GNAT3: variants seen among roughly 807,000 people sequenced by gnomAD.
The protein encoded by GNAT3 is G protein subunit alpha transducin 3, also known as guanine nucleotide-binding protein G(t) subunit alpha-3.
Under a neutral mutation model 37.7 loss-of-function variants are expected in GNAT3, and 31 were observed. The ratio of observed to expected loss-of-function variants is 0.82; its 90% confidence interval spans 0.62 to 1.11. The LOEUF is 1.11. Ranked by LOEUF, GNAT3 falls within the 50% of genes most tolerant of loss-of-function variation. The pLI is 0.00. For missense variants in GNAT3, 437 were observed against 412.5 expected (o/e 1.06, Z -0.51); for synonymous variants, 138 against 139.8 (o/e 0.99, Z 0.09).
At chr7:80,503,224 A>G (rs1481798342) in intron 1 of GNAT3, among the ~76,000 whole-genome samples, 2 of 152,200 alleles carry the variant, frequency 1.3e-5, no homozygotes, top group East Asian at 1.9e-4. Flanking sequence ...GCCACCATGA[A>G]CAAATCACAA....
chr7:80,467,746 A>G (rs1790149256), intron 5 of GNAT3, among the ~76,000 whole-genome samples: 1 of 152,108 alleles, frequency 6.6e-6, no homozygotes, highest in African/African-American at 2.4e-5. Context: ...CAAAATTAAA[A>G]TCAGAGAAAA....
intron 5 of GNAT3, among the ~76,000 whole-genome samples, chr7:80,463,607 T>G (rs1034583460): frequency 2.6e-5 from 4 of 152,016 alleles, no homozygotes; most frequent in Non-Finnish European, 5.9e-5. Flanking sequence ...AGCATCACTT[T>G]CTTTCCTTTA....
intron 1 of GNAT3, among the ~76,000 whole-genome samples, chr7:80,504,849 G>C (rs943994857): frequency 1.2e-4 from 18 of 152,150 alleles, no homozygotes; most frequent in Non-Finnish European, 1.9e-4. Flanking sequence ...GGTGAGGTTG[G>C]GGGGAGATTC....
intron 1 of GNAT3, among the ~76,000 whole-genome samples, chr7:80,505,608 T>C (rs951199903): frequency 7.9e-5 from 12 of 152,264 alleles, no homozygotes; most frequent in South Asian, 2.1e-4. Flanking sequence ...CCTTGTGATC[T>C]GCCCACCTTG....
intron 1 of GNAT3, among the ~76,000 whole-genome samples, chr7:80,497,910 C>CT (rs1019476904): frequency 3.3e-5 from 5 of 151,956 alleles, no homozygotes; most frequent in Non-Finnish European, 7.4e-5. Context: ...AGACCACTTT[C>CT]TTTTAAATGA....
intron 4 of GNAT3, among the ~76,000 whole-genome samples, chr7:80,477,194 A>T (rs928867449): frequency 6.6e-6 from 1 of 152,178 alleles, no homozygotes; most frequent in Non-Finnish European, 1.5e-5. Context: ...TGCCCATTTT[A>T]ACTATGTGGT....
At chr7:80,496,875 C>G (rs1399369365) in intron 1 of GNAT3, among the ~76,000 whole-genome samples, 2 of 151,150 alleles carry the variant, frequency 1.3e-5, no homozygotes, top group Non-Finnish European at 2.9e-5. Context: ...TTGGTCATAG[C>G]CATATGTAAA....
At chr7:80,494,017 T>C (rs1790665917) in intron 2 of GNAT3, among the ~76,000 whole-genome samples, 1 of 152,210 alleles carries the variant, frequency 6.6e-6, no homozygotes, top group Non-Finnish European at 1.5e-5. Context: ...TAAAATTCTC[T>C]AGCAGTAACA....
chr7:80,494,470 G>A (rs1790676362), intron 2 of GNAT3, 135 bp downstream of exon 2: 1 of 553,544 alleles, frequency 1.8e-6, no homozygotes, highest in Non-Finnish European at 3.3e-6. Flanking sequence ...TATTTGCACA[G>A]GAACTATGAC....
chr7:80,461,417 C>T (rs962934762), intron 7 of GNAT3, among the ~76,000 whole-genome samples: 4 of 151,970 alleles, frequency 2.6e-5, no homozygotes, highest in African/African-American at 4.8e-5. Flanking sequence ...GGTGTTGTGG[C>T]GTGCACCAGT....
intron 1 of GNAT3, among the ~76,000 whole-genome samples, chr7:80,506,605 T>A (rs973627214): frequency 2.0e-5 from 3 of 152,170 alleles, no homozygotes; most frequent in Non-Finnish European, 4.4e-5. Context: ...TGGAGAAAAA[T>A]TTAAACTCTC....
At chr7:80,473,311 A>G (rs1790249975) in intron 5 of GNAT3, among the ~76,000 whole-genome samples, 1 of 152,300 alleles carries the variant, frequency 6.6e-6, no homozygotes, top group East Asian at 1.9e-4. Context: ...CTATCTACAT[A>G]ATAGGTATTC....
intron 2 of GNAT3, among the ~76,000 whole-genome samples, chr7:80,491,642 T>C (rs1039585708): frequency 2.0e-5 from 3 of 152,130 alleles, no homozygotes; most frequent in African/African-American, 7.2e-5. Context: ...AGAAAAGTGA[T>C]GTCATCTGGA....
chr7:80,497,803 G>T (rs1044644927), intron 1 of GNAT3, among the ~76,000 whole-genome samples: 1 of 151,718 alleles, frequency 6.6e-6, no homozygotes, highest in Non-Finnish European at 1.5e-5. Flanking sequence ...TTCAACCAAA[G>T]TATTCAACTA....
chr7:80,481,487 C>G (rs931878407), intron 3 of GNAT3, among the ~76,000 whole-genome samples: 1 of 152,098 alleles, frequency 6.6e-6, no homozygotes, highest in African/African-American at 2.4e-5. Flanking sequence ...ATCTTTATAG[C>G]AATAAGATTC....
At chr7:80,505,083 G>A (rs1289069337) in intron 1 of GNAT3, among the ~76,000 whole-genome samples, 1 of 152,168 alleles carries the variant, frequency 6.6e-6, no homozygotes, top group Non-Finnish European at 1.5e-5. Flanking sequence ...AGCTGAAAAA[G>A]CTGTTAAACA....
At chr7:80,459,890 T>C (rs1351773635) in intron 7 of GNAT3, among the ~76,000 whole-genome samples, 1 of 152,202 alleles carries the variant, frequency 6.6e-6, no homozygotes, top group Non-Finnish European at 1.5e-5. Flanking sequence ...CTTGTGGAAA[T>C]GCAAAATAGT....
chr7:80,496,671 A>T (rs1790723039), intron 1 of GNAT3, among the ~76,000 whole-genome samples: 1 of 152,238 alleles, frequency 6.6e-6, no homozygotes, highest in South Asian at 2.1e-4. Context: ...TGCCTAACTC[A>T]GTAGAATCTC....
intron 4 of GNAT3, 129 bp downstream of exon 4, chr7:80,478,712 A>G: frequency 1.1e-6 from 1 of 880,472 alleles, no homozygotes; most frequent in Non-Finnish European, 1.7e-6. Context: ...ATTGCTTTTT[A>G]TTTTACTCTA....
Sources: gnomAD v4.1 joint callset for allele counts (sites outside exome capture counted in the v4.1 genomes callset) on GRCh38, gnomAD v4.1.1 for gene constraint, MANE v1.5 for transcripts, NCBI Gene and HGNC (gene_info 2026-07-23, HGNC 2026-07-21) for gene names.